BACH2: variants seen among roughly 807,000 people sequenced by gnomAD.
The protein encoded by BACH2 is transcription regulator protein BACH2.
Under a neutral mutation model 61.8 loss-of-function variants are expected in BACH2, and 5 were observed. That is an observed-to-expected ratio of 0.08 (90% confidence interval 0.04 to 0.17). The LOEUF (loss-of-function observed/expected upper bound fraction) is 0.17, where lower values mean the gene tolerates loss of function less well. Among genes scored for constraint, BACH2 ranks in the 10% least tolerant of loss-of-function variants. BACH2 has a pLI of 1.00. For synonymous variants in BACH2, 446 were observed against 440.1 expected, an observed-to-expected ratio of 1.01 and a Z score of -0.17; for missense variants, 824 against 1,091.1, an observed-to-expected ratio of 0.76 and a Z score of 3.45.
At chr6:90,264,337 T>C (rs368722265) in intron 2 of BACH2, among the ~76,000 whole-genome samples, 55 of 152,156 alleles carry the variant, frequency 3.6e-4, no homozygotes, top group Admixed American at 2.0e-4. Flanking sequence ...TTTTAAATAG[T>C]TCTAAAAAAT....
At chr6:90,033,151 G>A (rs888962153) in intron 5 of BACH2, among the ~76,000 whole-genome samples, 2 of 151,562 alleles carry the variant, frequency 1.3e-5, no homozygotes, top group Non-Finnish European at 2.9e-5. Context: ...GGTGCGAATT[G>A]AACAATGAGA....
chr6:90,169,456 A>G (rs987508205), intron 4 of BACH2, among the ~76,000 whole-genome samples: 1 of 152,172 alleles, frequency 6.6e-6, no homozygotes, highest in African/African-American at 2.4e-5. Context: ...GGTTGGATCA[A>G]TGAAGTCACT....
At chr6:90,181,274 A>G (rs1768152506) in intron 4 of BACH2, among the ~76,000 whole-genome samples, 1 of 152,138 alleles carries the variant, frequency 6.6e-6, no homozygotes, top group Admixed American at 6.5e-5. Flanking sequence ...AACACTCTAT[A>G]ACATGTTTTT....
intron 4 of BACH2, among the ~76,000 whole-genome samples, chr6:90,196,127 CTTTT>C (rs60187570): frequency 2.0e-3 from 292 of 143,138 alleles, no homozygotes; most frequent in Non-Finnish European, 3.0e-3. Context: ...AATGCAAGTA[CTTTT>C]TTTTTTTTTA....
chr6:90,211,009 G>A (rs1769326773), intron 3 of BACH2, among the ~76,000 whole-genome samples: 1 of 151,600 alleles, frequency 6.6e-6, no homozygotes. Context: ...ACAAAAATTA[G>A]CTGGGCATGG....
At chr6:89,971,174 T>C (rs189573217) in intron 6 of BACH2, among the ~76,000 whole-genome samples, 53 of 152,230 alleles carry the variant, frequency 3.5e-4, no homozygotes, top group Non-Finnish European at 6.8e-4. Flanking sequence ...CACAGTAACA[T>C]GGGAACAACT....
chr6:90,223,783 T>A (rs2127857227), intron 3 of BACH2, among the ~76,000 whole-genome samples: 1 of 152,252 alleles, frequency 6.6e-6, no homozygotes, highest in Non-Finnish European at 1.5e-5. Flanking sequence ...CCTCAATTGA[T>A]TTTTAAAAGT....
At chr6:90,052,157 T>C (rs1780076381) in intron 5 of BACH2, among the ~76,000 whole-genome samples, 1 of 152,232 alleles carries the variant, frequency 6.6e-6, no homozygotes, top group Non-Finnish European at 1.5e-5. Context: ...ATATATTCTA[T>C]TTGTTTGATG....
chr6:90,278,547 C>A (rs1771763823), intron 1 of BACH2, among the ~76,000 whole-genome samples: 1 of 152,202 alleles, frequency 6.6e-6, no homozygotes, highest in African/African-American at 2.4e-5. Flanking sequence ...ATCTTGCTTC[C>A]CCAGTAGACT....
intron 4 of BACH2, among the ~76,000 whole-genome samples, chr6:90,181,751 T>C (rs1028730785): frequency 2.0e-5 from 3 of 152,068 alleles, no homozygotes; most frequent in South Asian, 2.1e-4. Context: ...TGGCTACTGA[T>C]TGATGGATTC....
chr6:89,976,199 G>A (rs944206172), intron 6 of BACH2, among the ~76,000 whole-genome samples: 1 of 152,238 alleles, frequency 6.6e-6, no homozygotes, highest in Non-Finnish European at 1.5e-5. Flanking sequence ...AGGGAATTAG[G>A]GATGAGTCTG....
intron 4 of BACH2, among the ~76,000 whole-genome samples, chr6:90,139,118 A>AG (rs1784379820): frequency 6.6e-6 from 1 of 152,178 alleles, no homozygotes. Flanking sequence ...AAAAGGCATC[A>AG]AAGGCCTTTA....
intron 1 of BACH2, among the ~76,000 whole-genome samples, chr6:90,286,641 T>G (rs540688571): frequency 4.6e-5 from 7 of 152,334 alleles, no homozygotes; most frequent in African/African-American, 1.7e-4. Flanking sequence ...TACAGGAGGA[T>G]GAAGGGACAC....
At chr6:90,099,104 T>C (rs1288988505) in intron 4 of BACH2, among the ~76,000 whole-genome samples, 3 of 152,170 alleles carry the variant, frequency 2.0e-5, no homozygotes, top group Admixed American at 6.5e-5. Flanking sequence ...TGCACTTAAT[T>C]CCTTTGTTTT....
In BACH2 at chr6:90,143,862, G is replaced by A. The variant is rs577283163; in HGVS notation, c.-161-54753C>T. 1.6e-4 allele frequency among the ~76,000 whole-genome samples: 25 copies of A among 152,186 alleles called. No homozygotes were observed. In the South Asian group the frequency reaches 4.6e-3, roughly 28 times the overall value. On this transcript the variant is annotated intron_variant, in intron 4 of 8. Transcript: ENST00000257749. ...CAGCAGTGAATGAAACTCCTGCCCC[G>A]ACCCTGCTCAACACTCATAATCATG...
intron 1 of BACH2, among the ~76,000 whole-genome samples, chr6:90,285,338 G>A (rs1449856480): frequency 6.6e-6 from 1 of 152,110 alleles, no homozygotes; most frequent in South Asian, 2.1e-4. Context: ...TTGCACCCTC[G>A]CCCCTGCTTC....
intron 4 of BACH2, among the ~76,000 whole-genome samples, chr6:90,169,242 A>G (rs1014013522): frequency 2.0e-5 from 3 of 152,164 alleles, no homozygotes; most frequent in South Asian, 2.1e-4. Flanking sequence ...AAAAACCACT[A>G]AAGTGATTTA....
At chr6:90,224,255 T>C (rs1210801010) in intron 3 of BACH2, among the ~76,000 whole-genome samples, 1 of 152,000 alleles carries the variant, frequency 6.6e-6, no homozygotes, top group East Asian at 1.9e-4. Context: ...AAATGTAGAG[T>C]GGGTAGACAT....
chr6:90,106,531 A>C, intron 4 of BACH2, among the ~76,000 whole-genome samples: 1 of 152,220 alleles, frequency 6.6e-6, no homozygotes, highest in East Asian at 1.9e-4. Context: ...GCAGTAGGCT[A>C]TACCATCTAG....
Sources: allele counts gnomAD v4.1 joint callset (sites outside exome capture counted in the v4.1 genomes callset), GRCh38; gene constraint gnomAD v4.1.1; transcripts MANE v1.5; gene names NCBI Gene and HGNC (gene_info 2026-07-23, HGNC 2026-07-21).